Variants in DHX36 observed in about 807,000 individuals in gnomAD.
DHX36 encodes DEAH-box helicase 36, also known as ATP-dependent DNA/RNA helicase DHX36.
In DHX36, 50 loss-of-function variants were observed where a neutral mutation model predicts 139.0. The observed-to-expected ratio is 0.36, with a 90% confidence interval of 0.29 to 0.46. The LOEUF (loss-of-function observed/expected upper bound fraction) is 0.46, where lower values mean the gene tolerates loss of function less well. DHX36 is among the 20% of genes least tolerant of loss of function. The pLI is 1.00. For synonymous variants in DHX36, 425 were observed against 401.9 expected, an observed-to-expected ratio of 1.06 and a Z score of -0.69; for missense variants, 1,024 against 1,211.3, an observed-to-expected ratio of 0.85 and a Z score of 2.29.
Position 154,280,823 on chromosome 3 carries a change from G to C in DHX36, c.2416C>G (p.Leu806Val). ...NMKGQFAEHL[L>V]GAGFVSSRNP... ...CTACTGCTTACAAATCCAGCTCCAA[G>C]AAGATGCTCAGCAAACTGTCCTTTC... is the stretch of plus-strand genomic sequence containing the variant. Residue 806 changes from leucine to valine, a missense_variant, in exon 21 of 25, where the codon CTT (leucine) becomes GTT (valine). This residue lies in a region of DHX36 where 470 missense variants were observed against 616.2 expected (regional missense o/e 0.76). Coordinates refer to ENST00000496811, the MANE Select transcript of DHX36 (RefSeq NM_020865.3). 6.2e-7 allele frequency: 1 copy of C among 1,613,594 alleles called. No individual in the cohort carries two copies. The highest frequency in any genetic ancestry group is 8.5e-7 in the Non-Finnish European group (1 of 1,179,812).
At chr3:154,290,101 T>G (rs1281167345) in intron 15 of DHX36, among the ~76,000 whole-genome samples, 2 of 152,168 alleles carry the variant, frequency 1.3e-5, no homozygotes, top group Non-Finnish European at 2.9e-5. Flanking sequence ...TCTGACAGAT[T>G]CCAAATTACT....
rs747702203 is a variant in DHX36, at chr3:154,276,154, C to G, written c.*17G>C. The G allele has an allele frequency of 6.3e-7, 1 of 1,588,556 alleles. No homozygotes were observed. The highest frequency in any genetic ancestry group is 8.6e-7 in the Non-Finnish European group (1 of 1,169,432). On this transcript the variant is annotated 3_prime_UTR_variant, in exon 25 of 25. Coordinates refer to ENST00000496811, the MANE Select transcript of DHX36 (RefSeq NM_020865.3). ...ATGGCTGTCAAACTGGCTTTTCAGACCACCCCTGAAAAGCTGTCAGCTGTA... is the reference window on the plus strand; with the variant it reads ...ATGGCTGTCAAACTGGCTTTTCAGAGCACCCCTGAAAAGCTGTCAGCTGTA...
Position 154,303,289 on chromosome 3 carries a change from A to G in DHX36, c.1217+40T>C, listed in dbSNP as rs1437195054. 9 of 1,379,198 alleles carry G rather than the reference A, an allele frequency of 6.5e-6. No homozygotes were observed. The Admixed American group carries it at 7.5e-5, about 12-fold the overall frequency. 85.4% of individuals were successfully genotyped at this position (1,379,198 alleles called of 1,614,324 possible). Reference sequence around the variant, plus strand: ...TTTGACATGAGAAAAGTGATATATTAGTACTTTTTAATGTTTTTTATTTCC... The same window carrying G: ...TTTGACATGAGAAAAGTGATATATTGGTACTTTTTAATGTTTTTTATTTCC... On this transcript the variant is annotated intron_variant, in intron 9 of 24. Transcript: ENST00000496811.
At chr3:154,311,734 G>T in intron 3 of DHX36, 60 bp from the exon 4 acceptor site, 1 of 1,378,302 alleles carries the variant, frequency 7.3e-7, no homozygotes, top group South Asian at 1.3e-5. Flanking sequence ...TTATAATCAT[G>T]GTATTTAGGA....
chr3:154,276,635 G>T (rs1719157123), intron 24 of DHX36, 112 bp downstream of exon 24: 1 of 1,194,730 alleles, frequency 8.4e-7, no homozygotes, highest in Non-Finnish European at 1.2e-6. Context: ...AAAATTATTT[G>T]CTCTGCTGAA....
intron 6 of DHX36, among the ~76,000 whole-genome samples, chr3:154,305,869 A>G (rs1712482656): frequency 6.6e-6 from 1 of 152,240 alleles, no homozygotes; most frequent in African/African-American, 2.4e-5. Context: ...GGGGGTTAAG[A>G]TATCAAAATC....
intron 1 of DHX36, among the ~76,000 whole-genome samples, chr3:154,322,313 C>G (rs1219259235): frequency 6.6e-6 from 1 of 152,134 alleles, no homozygotes; most frequent in Non-Finnish European, 1.5e-5. Context: ...GACTTCCAAT[C>G]TGAAGTTGTG....
intron 12 of DHX36, among the ~76,000 whole-genome samples, chr3:154,296,415 A>G (rs1312009620): frequency 1.3e-5 from 2 of 152,148 alleles, no homozygotes; most frequent in South Asian, 2.1e-4. Flanking sequence ...CGGAGCTTGC[A>G]GTGAGCCGAG....
chr3:154,324,110 G>T, intron 1 of DHX36, 64 bp downstream of exon 1: 1 of 1,487,976 alleles, frequency 6.7e-7, no homozygotes, highest in Non-Finnish European at 9.1e-7. Context: ...AGAAAAAGGG[G>T]GCAGCGGGAG....
In DHX36 at chr3:154,280,587, T is replaced by A. The variant is rs1035914470; in HGVS notation, c.2559A>T (p.Lys853Asn). 1.2e-6 allele frequency: 2 copies of A among 1,608,344 alleles called. No individual in the cohort carries two copies. Among genetic ancestry groups the A allele is most frequent in the African/African-American group, 1.3e-5 (1 of 74,778 alleles). ...VAKIRLNLGKKRKMVKVYTKT... is the reference protein window; with the variant it reads ...VAKIRLNLGKNRKMVKVYTKT... ...TAATCTTCAATGCTTACATTTTTCT[T>A]TTTTTACCCAAATTTAGTCGAATTT... is the stretch of plus-strand genomic sequence containing the variant. The change falls in exon 22 of 25, where the codon AAA (lysine) becomes AAT (asparagine). Residue 853 changes from lysine to asparagine, a missense_variant. Coordinates refer to ENST00000496811, the MANE Select transcript of DHX36 (RefSeq NM_020865.3).
At chr3:154,288,841 T>C in intron 17 of DHX36, 25 bp downstream of exon 17, 1 of 1,382,838 alleles carries the variant, frequency 7.2e-7, no homozygotes, top group Non-Finnish European at 9.9e-7. Context: ...AAGTTAGAAT[T>C]AAAAAAACAA....
At chr3:154,278,995 C>T (rs1038868913) in intron 22 of DHX36, 1 of 152,194 alleles carries the variant, frequency 6.6e-6, no homozygotes, top group Admixed American at 6.6e-5. Context: ...CGTTCTGTCA[C>T]CCAGGCTGGA....
In DHX36 at chr3:154,273,075, G is replaced by A. The variant is rs894638104; in HGVS notation, c.*3096C>T. 1.3e-5 allele frequency: 2 copies of A among 148,356 alleles called. No individual in the cohort carries two copies. Among genetic ancestry groups the A allele is most frequent in the African/African-American group, 4.9e-5 (2 of 40,440 alleles). 9.2% of individuals were successfully genotyped at this position (148,356 alleles called of 1,614,324 possible). On this transcript the variant is annotated 3_prime_UTR_variant, in exon 25 of 25. Coordinates refer to ENST00000496811, the MANE Select transcript of DHX36 (RefSeq NM_020865.3). Reference sequence around the variant, plus strand: ...TTTTTCCTGAAAGTTTCTGTTTCAGGTTTTTTTTTTAAGAGTTATTCTCTG... The same window carrying A: ...TTTTTCCTGAAAGTTTCTGTTTCAGATTTTTTTTTTAAGAGTTATTCTCTG...
intron 19 of DHX36, among the ~76,000 whole-genome samples, chr3:154,283,861 A>T (rs1719416041): frequency 6.6e-6 from 1 of 152,196 alleles, no homozygotes; most frequent in Non-Finnish European, 1.5e-5. Flanking sequence ...GGAGCAGAAA[A>T]TGTCTCTTTA....
In DHX36 at chr3:154,315,809, C is replaced by T. The variant is rs143611087; in HGVS notation, c.368+230G>A. Among the ~76,000 whole-genome samples, 180 of 152,136 alleles carry T rather than the reference C, an allele frequency of 1.2e-3. 1 individual carries two copies. Among genetic ancestry groups the T allele is most frequent in the African/African-American group, 3.9e-3 (164 of 41,562 alleles). ...GACAGGTAGGGAGAACAATAAATAA[C>T]AACTTAATACATCTCATATCCAGAT... On this transcript the variant is annotated intron_variant, in intron 2 of 24. Coordinates refer to ENST00000496811, the MANE Select transcript of DHX36 (RefSeq NM_020865.3).
At chr3:154,304,120 T>A (rs986357944) in intron 8 of DHX36, among the ~76,000 whole-genome samples, 1 of 152,322 alleles carries the variant, frequency 6.6e-6, no homozygotes, top group Admixed American at 6.5e-5. Flanking sequence ...GTTTTCAGTA[T>A]TAACTGGGAT....
chr3:154,309,148 A>G (rs1020793716), intron 5 of DHX36, among the ~76,000 whole-genome samples: 41 of 152,070 alleles, frequency 2.7e-4, no homozygotes, highest in African/African-American at 9.7e-4. Flanking sequence ...TGTTATCACC[A>G]CTGCGCTCCA....
chr3:154,284,883 G>A lies in DHX36; in HGVS notation c.2136C>T (p.Phe712=), dbSNP rs372524615. The stretch of plus-strand genomic sequence containing the variant: ...TAGTGAGTACTGGGTCTAAGCAGCA[G>A]AACAGTGCTCCAAAAAGAATCATTT... The part of the protein sequence containing the change: ...IGKMILFGAL[F]CCLDPVLTIA... The change falls in exon 18 of 25, where the codon TTC becomes TTT. Residue 712 remains phenylalanine (F), a synonymous_variant. Coordinates refer to ENST00000496811, the MANE Select transcript of DHX36 (RefSeq NM_020865.3). 6.2e-7 allele frequency: 1 copy of A among 1,614,136 alleles called. No homozygotes were observed. Among genetic ancestry groups the A allele is most frequent in the African/African-American group, 1.3e-5 (1 of 75,018 alleles).
chr3:154,276,624 C>T (rs923884013), intron 24 of DHX36, 123 bp downstream of exon 24: 13 of 1,145,744 alleles, frequency 1.1e-5, no homozygotes, highest in Middle Eastern at 2.7e-4. Flanking sequence ...ATCATTTTTT[C>T]AAAATTATTT....
Sources: gnomAD v4.1 joint callset for allele counts (sites outside exome capture counted in the v4.1 genomes callset) on GRCh38, gnomAD v4.1.1 for gene constraint, gnomAD v4.1.1 regional missense constraint, MANE v1.5 for transcripts, NCBI Gene and HGNC (gene_info 2026-07-23, HGNC 2026-07-21) for gene names.